The following CYP19A1 variants were observed in gnomAD, a reference collection of about 807,000 sequenced individuals.
The protein encoded by CYP19A1 is cytochrome P450 family 19 subfamily A member 1, also known as aromatase.
In CYP19A1, 32 loss-of-function variants were observed where a neutral mutation model predicts 44.4. That is an observed-to-expected ratio of 0.72 (90% CI 0.54 to 0.97). The LOEUF (loss-of-function observed/expected upper bound fraction) is 0.97, where lower values mean the gene tolerates loss of function less well. CYP19A1 is among the 50% of genes least tolerant of loss of function. The probability of loss-of-function intolerance (pLI) is 0.00; values close to 1 mark genes in which losing one functional copy is unlikely to be tolerated. For missense variants in CYP19A1, 598 were observed against 637.8 expected (o/e 0.94, Z 0.67); for synonymous variants, 212 against 215.6 (o/e 0.98, Z 0.14).
rs189484681 is a variant in CYP19A1 at position 51,261,283 on chromosome 15, C to T, written c.-38-18333G>A. ...GAACCCCAGGTCAGACAACAAAAGG[C>T]TTGCCACCATCTTGGGAGTGGCCCA... On this transcript the variant is annotated intron_variant, in intron 1 of 9. Transcript: ENST00000396402. Among the ~76,000 whole-genome samples the T allele has an allele frequency of 2.7e-3, 404 of 152,324 alleles. 6 individuals are homozygous for T. Among genetic ancestry groups the T allele is most frequent in the Non-Finnish European group, 8.1e-4 (55 of 68,032 alleles).
At chr15:51,228,463 C>T (rs189340824) in intron 3 of CYP19A1, among the ~76,000 whole-genome samples, 69 of 152,358 alleles carry the variant, frequency 4.5e-4, no homozygotes, top group African/African-American at 1.6e-3. Context: ...CTAATCAGGC[C>T]TGCCCCCTCC....
At chr15:51,259,399 T>C (rs1239641942) in intron 1 of CYP19A1, among the ~76,000 whole-genome samples, 1 of 152,186 alleles carries the variant, frequency 6.6e-6, no homozygotes, top group Non-Finnish European at 1.5e-5. Flanking sequence ...ACCAGATTGT[T>C]TTCAATTCTC....
At position 51,225,304 on chromosome 15, in the gene CYP19A1, G is replaced by C. The variant is rs150885075; in HGVS notation, c.451+2475C>G. ...ATTAGCTCTTGCATGTCAGGGTAGA[G>C]GATATTGGTATGTGAAAGTTAACTA... On this transcript the variant is annotated intron_variant, in intron 4 of 9. Coordinates refer to ENST00000396402, the MANE Select transcript of CYP19A1 (RefSeq NM_000103.4). 5.9e-5 allele frequency among the ~76,000 whole-genome samples: 9 copies of C among 152,278 alleles called. No individual in the cohort carries two copies. In the East Asian group the frequency reaches 1.7e-3, roughly 29 times the overall value.
rs181766689 is a variant in CYP19A1, at chr15:51,215,229, G to A, written c.862C>T (p.Arg288Cys). 31 of 1,613,978 alleles carry A rather than the reference G, an allele frequency of 1.9e-5. No individual in the cohort carries two copies. The highest frequency in any genetic ancestry group is 2.2e-5 in the South Asian group (2 of 91,074). The change falls in exon 8 of 10, where the codon CGT becomes TGT. Residue 288 changes from arginine (R) to cysteine (C), a missense_variant. By Grantham distance (180) the Arg-to-Cys change is radical. Transcript: ENST00000396402. ...FATELILAEK[R>C]GDLTRENVNQ... ...ACATTCTCTCTTGTCAGGTCACCAC[G>A]TTTCTGAACAATTGGAAGATGGGAA...
At chr15:51,316,158 T>C (rs1264624452) in intron 1 of CYP19A1, 4 of 150,876 alleles carry the variant, frequency 2.7e-5, no homozygotes, top group Non-Finnish European at 4.4e-5. Context: ...GGACTAATAA[T>C]TTATCTTCAC....
intron 1 of CYP19A1, among the ~76,000 whole-genome samples, chr15:51,272,282 C>G (rs1045013435): frequency 6.6e-6 from 1 of 152,130 alleles, no homozygotes; most frequent in Non-Finnish European, 1.5e-5. Flanking sequence ...ATTAGACTAG[C>G]CCCAAAGAGC....
At chr15:51,283,506 C>T (rs537971300) in intron 1 of CYP19A1, among the ~76,000 whole-genome samples, 2 of 152,274 alleles carry the variant, frequency 1.3e-5, no homozygotes, top group Middle Eastern at 3.4e-3. Flanking sequence ...TTAAGGCTTG[C>T]GATGGCATTG....
At chr15:51,298,459 A>C (rs572917409) in intron 1 of CYP19A1, among the ~76,000 whole-genome samples, 1 of 152,364 alleles carries the variant, frequency 6.6e-6, no homozygotes, top group South Asian at 2.1e-4. Flanking sequence ...TCACATAGGA[A>C]TCAGGAAGAG....
Sources: allele counts gnomAD v4.1 joint callset (sites outside exome capture counted in the v4.1 genomes callset), GRCh38; gene constraint gnomAD v4.1.1; transcripts MANE v1.5; gene names NCBI Gene and HGNC (gene_info 2026-07-23, HGNC 2026-07-21).